Variants in BBS1 observed in about 807,000 individuals in gnomAD.
BBS1 encodes Bardet-Biedl syndrome 1.
A neutral mutation model predicts 73.9 loss-of-function variants in BBS1; 60 were observed. The ratio of observed to expected loss-of-function variants is 0.81; its 90% confidence interval spans 0.66 to 1.01. The LOEUF (loss-of-function observed/expected upper bound fraction) is 1.01. BBS1 is among the 50% of genes least tolerant of loss of function. BBS1 has a pLI of 0.00. For synonymous variants in BBS1, 283 were observed against 317.4 expected (o/e 0.89, Z 1.15); for missense variants, 718 against 770.3 (o/e 0.93, Z 0.80).
At chr11:66,523,203 G>A (rs1189066760) in intron 9 of BBS1, 1 of 616,966 alleles carries the variant, frequency 1.6e-6, no homozygotes, top group South Asian at 1.5e-5. Context: ...GTGAAGGTGG[G>A]CGGAAGACAA....
rs527349491 is a variant in BBS1, at chr11:66,532,279, C to T, written c.*242C>T. The T allele has an allele frequency of 5.3e-5, 30 of 565,324 alleles. No individual in the cohort carries two copies. Among genetic ancestry groups the T allele is most frequent in the African/African-American group, 1.9e-4 (10 of 53,304 alleles). The allele number at this position is 565,324 out of a possible 1,614,324, so 35.0% of individuals were successfully genotyped here. ...GCATGGTCCCACTGAAGTCCTACTACGCCCTCCCCTCCCCAGCCTTTTCCA... is the reference window on the plus strand; with the variant it reads ...GCATGGTCCCACTGAAGTCCTACTATGCCCTCCCCTCCCCAGCCTTTTCCA... On this transcript the variant is annotated 3_prime_UTR_variant, in exon 17 of 17. Coordinates refer to ENST00000318312, the MANE Select transcript of BBS1 (RefSeq NM_024649.5).
At chr11:66,529,351 A>G (rs1485305610) in intron 13 of BBS1, 3 of 1,518,526 alleles carry the variant, frequency 2.0e-6, no homozygotes, top group East Asian at 2.4e-5. Context: ...TGAGGTGTTG[A>G]TGGGACCTCC....
chr11:66,521,651 A>G (rs1565284686), intron 9 of BBS1: 2 of 426,802 alleles, frequency 4.7e-6, no homozygotes, highest in Non-Finnish European at 8.8e-6. Context: ...CACGCCTGTA[A>G]TCCCAGCACT....
At position 66,529,820 on chromosome 11, in the gene BBS1, C is replaced by A. The variant is rs934613283; in HGVS notation, c.1341C>A (p.Ala447=). The stretch of plus-strand genomic sequence containing the variant: ...AGCCTCTGGGACCCTTCTCCACAGC[C>A]ATGCACCGGGCCTTCCAGACAGACC... ...QTLREREAGT[A]MHRAFQTDLY... The change falls in exon 14 of 17, where the codon GCC becomes GCA. Residue 447 remains alanine, a splice_region_variant and synonymous_variant. Transcript: ENST00000318312. The A allele has an allele frequency of 1.9e-6, 3 of 1,611,158 alleles. 1 individual carries two copies. Among genetic ancestry groups the A allele is most frequent in the Middle Eastern group, 1.6e-4 (1 of 6,062 alleles).
chr11:66,531,723 G>A lies in BBS1; in HGVS notation c.1676G>A (p.Gly559Asp), dbSNP rs544767888. The A allele has an allele frequency of 9.7e-5, 157 of 1,614,048 alleles. 2 individuals are homozygous for A. In the South Asian group the frequency reaches 1.6e-3, roughly 17 times the overall value. The change falls in exon 16 of 17, where the codon GGC (glycine) becomes GAC (aspartate). Residue 559 changes from glycine (G) to aspartate (D), a missense_variant. By Grantham distance (94) the Gly-to-Asp change is moderately conservative (BLOSUM62 -1). Coordinates refer to ENST00000318312, the MANE Select transcript of BBS1 (RefSeq NM_024649.5). ...TTTGTGGAGAGTCTCAGTAACAAGG[G>A]CATCTCAGACATCATCAAGGTAGGC... The part of the protein sequence containing the change: ...ETFVESLSNK[G>D]ISDIIKVLVL...
intron 11 of BBS1, among the ~76,000 whole-genome samples, 191 bp from the exon 12 acceptor site, chr11:66,525,932 T>C (rs944490504): frequency 6.6e-6 from 1 of 152,084 alleles, no homozygotes; most frequent in Non-Finnish European, 1.5e-5. Context: ...GCCAGTGATA[T>C]TTGGTCTGGA....
chr11:66,515,485 C>A, intron 4 of BBS1, 55 bp from the exon 5 acceptor site: 1 of 1,592,524 alleles, frequency 6.3e-7, no homozygotes, highest in Non-Finnish European at 8.6e-7. Context: ...GGGGTGTAGA[C>A]ATTGGGTTTC....
chr11:66,528,334 C>T (rs1856610152), intron 13 of BBS1, among the ~76,000 whole-genome samples: 1 of 152,190 alleles, frequency 6.6e-6, no homozygotes, highest in Non-Finnish European at 1.5e-5. Context: ...GATGGGAAGA[C>T]CTAATGCTGT....
At position 66,532,222 on chromosome 11, in the gene BBS1, G is replaced by C. The variant is rs556460213; in HGVS notation, c.*185G>C. 4.6e-6 allele frequency: 3 copies of C among 651,046 alleles called. No homozygotes were observed. The South Asian group carries it at 5.7e-5, about 12-fold the overall frequency. 40.3% of individuals were successfully genotyped at this position (651,046 alleles called of 1,614,324 possible). ...TAGTAGCAGGTTAGTGAGTACCTAG[G>C]GCGGCTCAACTCCTCCCACAGCACC... On this transcript the variant is annotated 3_prime_UTR_variant, in exon 17 of 17. Coordinates refer to ENST00000318312, the MANE Select transcript of BBS1 (RefSeq NM_024649.5).
At chr11:66,520,025 T>A (rs1412539653) in intron 8 of BBS1, 2 of 370,742 alleles carry the variant, frequency 5.4e-6, no homozygotes, top group East Asian at 1.4e-4. Context: ...CTGGGTGTGG[T>A]GGCCCATGCC....
chr11:66,515,755 G>A (rs201519409), intron 6 of BBS1, 24 bp downstream of exon 6: 466 of 1,614,048 alleles, frequency 2.9e-4, no homozygotes, highest in Non-Finnish European at 3.9e-4. Flanking sequence ...GGAGGGCCAG[G>A]GTTTGGGAGG....
rs374822711 is a variant in BBS1 at position 66,523,609 on chromosome 11, G to A, written c.951+33G>A. ...CCCCAGCAAGCAGCAGCCCCTCCAC[G>A]CCTATGTCCCTAGCCCCCACTTGGC... On this transcript the variant is annotated intron_variant, in intron 10 of 16. Coordinates refer to ENST00000318312, the MANE Select transcript of BBS1 (RefSeq NM_024649.5). The A allele has an allele frequency of 1.7e-5, 27 of 1,613,516 alleles. No individual in the cohort carries two copies. The African/African-American group carries it at 1.7e-4, about 10-fold the overall frequency.
chr11:66,524,261 CAG>C, intron 11 of BBS1: 1 of 335,548 alleles, frequency 3.0e-6, no homozygotes, highest in Non-Finnish European at 5.8e-6. Flanking sequence ...GCCTGGACAA[CAG>C]AGCGAGACTC....
At chr11:66,523,005 C>G in intron 9 of BBS1, 1 of 384,458 alleles carries the variant, frequency 2.6e-6, no homozygotes, top group Non-Finnish European at 5.1e-6. Context: ...GAGGAACTAA[C>G]TGTACTTTCT....
intron 14 of BBS1, among the ~76,000 whole-genome samples, 190 bp downstream of exon 14, chr11:66,530,142 C>T (rs1038361162): frequency 6.6e-6 from 1 of 152,198 alleles, no homozygotes; most frequent in Non-Finnish European, 1.5e-5. Context: ...CTCACCTTCC[C>T]ACCCTCCTGT....
Position 66,523,470 on chromosome 11 carries a change from C to T in BBS1, c.845C>T (p.Pro282Leu). ...IYILRRDSKH[P>L]KYCIELSAQP... ...TTATTCCACAGAGACTCCAAGCACC[C>T]CAAGTACTGCATCGAGCTGAGCGCC... is the stretch of plus-strand genomic sequence containing the variant. The change falls in exon 10 of 17, where the codon CCC becomes CTC. Residue 282 changes from proline to leucine, a missense_variant. Transcript: ENST00000318312. 1.2e-6 allele frequency: 2 copies of T among 1,614,116 alleles called. No homozygotes were observed. The highest frequency in any genetic ancestry group is 1.7e-6 in the Non-Finnish European group (2 of 1,180,020).
chr11:66,521,752 A>C (rs1856229529), intron 9 of BBS1: 7 of 312,314 alleles, frequency 2.2e-5, no homozygotes, highest in South Asian at 2.0e-4. Context: ...CTAAAAATAC[A>C]AAATTAGCTG....
rs769434877 is a variant in BBS1 at position 66,529,858 on chromosome 11, G to A, written c.1379G>A (p.Arg460His). The change falls in exon 14 of 17, where the codon CGC becomes CAC. Residue 460 changes from arginine (R) to histidine (H), a missense_variant. Physicochemically the swap from Arg to His is conservative, Grantham distance 29 (BLOSUM62 0). Coordinates refer to ENST00000318312, the MANE Select transcript of BBS1 (RefSeq NM_024649.5). ...RAFQTDLYLLRLRAARAYLQA... is the reference protein window; with the variant it reads ...RAFQTDLYLLHLRAARAYLQA... Reference sequence around the variant, plus strand: ...TTCCAGACAGACCTATACCTGCTGCGCCTACGTGCTGCCCGCGCCTACCTG... The same window carrying A: ...TTCCAGACAGACCTATACCTGCTGCACCTACGTGCTGCCCGCGCCTACCTG... The A allele has an allele frequency of 6.8e-6, 11 of 1,610,628 alleles. No homozygotes were observed. In the African/African-American group the frequency reaches 8.0e-5, roughly 12 times the overall value.
chr11:66,529,968 A>G lies in BBS1; in HGVS notation c.1473+16A>G, dbSNP rs573129342. 1 of 1,595,482 alleles carries G rather than the reference A, an allele frequency of 6.3e-7. No homozygotes were observed. Among genetic ancestry groups the G allele is most frequent in the Non-Finnish European group, 8.5e-7 (1 of 1,176,800 alleles). On this transcript the variant is annotated intron_variant, in intron 14 of 16. Transcript: ENST00000318312. ...GCACGCCGTGGTGAGCATCTGGGTG[A>G]GGGCAGAGTCAGGGCCAGAGGGGCA...
Sources: gnomAD v4.1 joint callset for allele counts (sites outside exome capture counted in the v4.1 genomes callset) on GRCh38, gnomAD v4.1.1 for gene constraint, MANE v1.5 for transcripts, NCBI Gene and HGNC (gene_info 2026-07-23, HGNC 2026-07-21) for gene names.